The following FHAD1 variants were observed in gnomAD, a reference collection of about 807,000 sequenced individuals.
FHAD1 encodes the protein forkhead-associated domain-containing protein 1.
FHAD1 carries 146 observed loss-of-function variants against 191.3 expected under a neutral mutation model. The observed-to-expected ratio is 0.76, with a 90% CI of 0.67 to 0.88. FHAD1 has a LOEUF of 0.88. Among genes scored for constraint, FHAD1 ranks in the 40% least tolerant of loss-of-function variants. The pLI is 0.00. For synonymous variants in FHAD1, 616 were observed against 672.3 expected (o/e 0.92, Z 1.29); for missense variants, 1,635 against 1,785.8 (o/e 0.92, Z 1.52).
Position 15,324,535 on chromosome 1 carries a change from C to T in FHAD1, c.1449C>T (p.Ile483=). The T allele has an allele frequency of 6.4e-7, 1 of 1,551,768 alleles. No homozygotes were observed. The highest frequency in any genetic ancestry group is 8.7e-7 in the Non-Finnish European group (1 of 1,146,904). The part of the protein sequence containing the change: ...EMGNRESVIK[I]NLERAVGQLE... ...GGAACAGAGAGAGCGTCATTAAAAT[C>T]AATTTGGAGAGGGCAGTAGGTCAGG... Residue 483 remains isoleucine (I), a synonymous_variant, in exon 11 of 34, where the codon ATC becomes ATT. Coordinates refer to ENST00000688493, the MANE Select transcript of FHAD1 (RefSeq NM_001391957.1).
chr1:15,279,428 ATCTG>A (rs1659666733), intron 3 of FHAD1, among the ~76,000 whole-genome samples: 1 of 149,342 alleles, frequency 6.7e-6, no homozygotes, highest in Non-Finnish European at 1.5e-5. Flanking sequence ...ATGCTCAGGA[ATCTG>A]TCTGTTAGGG....
intron 3 of FHAD1, among the ~76,000 whole-genome samples, chr1:15,280,373 T>C (rs142527032): frequency 1.3e-5 from 2 of 152,228 alleles, no homozygotes; most frequent in African/African-American, 4.8e-5. Context: ...GGTTTTTTTA[T>C]ATCAAAGGAC....
intron 2 of FHAD1, among the ~76,000 whole-genome samples, chr1:15,265,520 G>T (rs1653020279): frequency 6.6e-6 from 1 of 152,154 alleles, no homozygotes; most frequent in South Asian, 2.1e-4. Context: ...CCTAACACAA[G>T]GCAGAGGCTT....
intron 23 of FHAD1, chr1:15,364,192 C>G (rs554074061): frequency 1.0e-5 from 2 of 192,250 alleles, no homozygotes; most frequent in African/African-American, 4.7e-5. Context: ...TGCATGCACA[C>G]ACAGAATATA....
chr1:15,380,647 TAGAA>T, intron 28 of FHAD1, 50 bp from the exon 29 acceptor site: 4 of 1,411,746 alleles, frequency 2.8e-6, no homozygotes, highest in Non-Finnish European at 3.9e-6. Flanking sequence ...CTTCCAGTCA[TAGAA>T]AGTCATAATG....
At chr1:15,259,519 T>TA (rs1215015015) in intron 2 of FHAD1, among the ~76,000 whole-genome samples, 1 of 152,170 alleles carries the variant, frequency 6.6e-6, no homozygotes, top group Non-Finnish European at 1.5e-5. Flanking sequence ...AGGGAACATC[T>TA]AAAAATCTAA....
At chr1:15,337,017 C>T (rs1422276381) in intron 14 of FHAD1, among the ~76,000 whole-genome samples, 1 of 152,242 alleles carries the variant, frequency 6.6e-6, no homozygotes. Context: ...CTTCCCCAGC[C>T]ACTCCTATGT....
chr1:15,389,850 A>G (rs975571672), intron 32 of FHAD1, among the ~76,000 whole-genome samples: 4 of 152,234 alleles, frequency 2.6e-5, no homozygotes, highest in Admixed American at 1.3e-4. Flanking sequence ...GTATGTTCCA[A>G]ATATTGCATG....
chr1:15,309,848 C>A (rs1671704914), intron 7 of FHAD1, among the ~76,000 whole-genome samples: 1 of 152,058 alleles, frequency 6.6e-6, no homozygotes, highest in Non-Finnish European at 1.5e-5. Flanking sequence ...TCGGGAGGCC[C>A]CTGGGAACGG....
Position 15,375,808 on chromosome 1 carries a change from C to T in FHAD1, c.3705+78C>T, listed in dbSNP as rs1406998778. On this transcript the variant is annotated intron_variant, in intron 28 of 33. Transcript: ENST00000688493. ...TGAGGGCAGACACTAGCTTCGTTCC[C>T]TGGCACAGCCATACATGTCAGTGGT... 4.3e-6 allele frequency: 6 copies of T among 1,402,190 alleles called. No individual in the cohort carries two copies. In the African/African-American group the frequency reaches 8.7e-5, roughly 20 times the overall value. 86.9% of individuals were successfully genotyped at this position (1,402,190 alleles called of 1,614,324 possible).
chr1:15,371,217 T>C (rs1452716223), intron 26 of FHAD1, among the ~76,000 whole-genome samples: 1 of 152,184 alleles, frequency 6.6e-6, no homozygotes, highest in African/African-American at 2.4e-5. Context: ...TGTCAGGCCC[T>C]ATGCCAGGGA....
intron 20 of FHAD1, 39 bp downstream of exon 20, chr1:15,353,023 C>T: frequency 7.0e-7 from 1 of 1,430,926 alleles, no homozygotes; most frequent in Non-Finnish European, 9.6e-7. Context: ...AGGGGCCCAG[C>T]ACAGCGAAGG....
At chr1:15,369,079 T>A (rs1030012092) in intron 25 of FHAD1, among the ~76,000 whole-genome samples, 1 of 152,128 alleles carries the variant, frequency 6.6e-6, no homozygotes, top group South Asian at 2.1e-4. Context: ...ATAGAAGGGT[T>A]AGCCACACAT....
chr1:15,389,468 A>AAAAAAAC (rs1703309863), intron 32 of FHAD1, among the ~76,000 whole-genome samples: 1 of 149,728 alleles, frequency 6.7e-6, no homozygotes, highest in African/African-American at 2.5e-5. Context: ...AAAAAAAAAA[A>AAAAAAAC]CCTGCTGGAA....
chr1:15,339,610 A>G, intron 15 of FHAD1, 59 bp downstream of exon 15: 2 of 792,140 alleles, frequency 2.5e-6, no homozygotes, highest in Non-Finnish European at 3.7e-6. Flanking sequence ...TGGCATTTAT[A>G]TAGCACTGTG....
At chr1:15,386,976 C>T (rs1265148874) in intron 31 of FHAD1, among the ~76,000 whole-genome samples, 1 of 152,114 alleles carries the variant, frequency 6.6e-6, no homozygotes, top group Non-Finnish European at 1.5e-5. Flanking sequence ...GATCCTCCCA[C>T]CTCAGCCTTC....
chr1:15,238,423 A>T (rs1645015578), intron 1 of FHAD1, among the ~76,000 whole-genome samples: 1 of 152,134 alleles, frequency 6.6e-6, no homozygotes, highest in Non-Finnish European at 1.5e-5. Flanking sequence ...AAAAGGTAGG[A>T]ATCATGTTGG....
intron 2 of FHAD1, among the ~76,000 whole-genome samples, chr1:15,258,145 C>G (rs1649184124): frequency 6.6e-6 from 1 of 152,142 alleles, no homozygotes; most frequent in Non-Finnish European, 1.5e-5. Context: ...CCTGGCCTCA[C>G]TTTGTTACTC....
chr1:15,316,461 C>CA lies in FHAD1; in HGVS notation c.1258dup (p.Thr420AsnfsTer14), dbSNP rs1674496395. 6.4e-7 allele frequency: 1 copy of CA among 1,551,476 alleles called. No individual in the cohort carries two copies. The highest frequency in any genetic ancestry group is 1.4e-5 in the African/African-American group (1 of 73,022). On this transcript the variant is annotated frameshift_variant, in exon 9 of 34. Transcript: ENST00000688493. LOFTEE classifies it high-confidence loss of function. This position sits in a 1 kb window ranked among gnomAD's most constrained non-coding sequence, Gnocchi z 4.3. The stretch of plus-strand genomic sequence containing the variant: ...CCCAGGAGAAAGAGTTAAAACTCTG[C>CA]AAAACCGTGAGTTGAGCTTCCTCCT...
Sources: allele counts gnomAD v4.1 joint callset (sites outside exome capture counted in the v4.1 genomes callset), GRCh38; gene constraint gnomAD v4.1.1; non-coding constraint Gnocchi (gnomAD v3.1); transcripts MANE v1.5; gene names NCBI Gene and HGNC (gene_info 2026-07-23, HGNC 2026-07-21).